Variants in USP7 observed in about 807,000 individuals in gnomAD.
USP7 encodes ubiquitin C-terminal hydrolase 7.
In USP7, 9 loss-of-function variants were observed where a neutral mutation model predicts 162.9. That is an observed-to-expected ratio of 0.06 (90% confidence interval 0.03 to 0.10). The LOEUF (loss-of-function observed/expected upper bound fraction) is 0.10. Ranked by LOEUF, USP7 falls within the 10% of genes least tolerant of loss-of-function variation. USP7 has a pLI of 1.00. For missense variants in USP7, 715 were observed against 1,373.7 expected, an observed-to-expected ratio of 0.52 and a Z score of 7.58; for synonymous variants, 562 against 475.9, an observed-to-expected ratio of 1.18 and a Z score of -2.35.
At position 8,892,913 on chromosome 16, in the gene USP7, T is replaced by G. The variant is rs1038333093; in HGVS notation, c.*1085A>C. 3.3e-5 allele frequency: 5 copies of G among 152,194 alleles called. No individual in the cohort carries two copies. The highest frequency in any genetic ancestry group is 1.2e-4 in the African/African-American group (5 of 41,438). 9.4% of individuals were successfully genotyped at this position (152,194 alleles called of 1,614,324 possible). On this transcript the variant is annotated 3_prime_UTR_variant, in exon 31 of 31. Coordinates refer to ENST00000344836, the MANE Select transcript of USP7 (RefSeq NM_003470.3). The stretch of plus-strand genomic sequence containing the variant: ...AGGATGAAAAATAAGAGTGATTTGC[T>G]GATTCTATTTTACTGCACTCAAAAC...
chr16:8,943,055 G>C (rs903414374), intron 1 of USP7, among the ~76,000 whole-genome samples: 1 of 152,114 alleles, frequency 6.6e-6, no homozygotes, highest in Non-Finnish European at 1.5e-5. Flanking sequence ...CCACTTTGAC[G>C]CTTTGCTCTA....
intron 2 of USP7, among the ~76,000 whole-genome samples, chr16:8,927,814 C>T (rs1318574827): frequency 2.0e-5 from 3 of 152,112 alleles, no homozygotes; most frequent in Non-Finnish European, 2.9e-5. Context: ...CTAGCCTGGG[C>T]GACACAACAA....
In USP7 at chr16:8,921,137, C is replaced by A. The variant is rs1363918879; in HGVS notation, c.522+20G>T. ...AGCAGTAATGCACCAATTGTTCAGA[C>A]TAAATACACTGTTACTTACACTCCA... On this transcript the variant is annotated intron_variant, in intron 4 of 30. Transcript: ENST00000344836. 1 of 1,612,516 alleles carries A rather than the reference C, an allele frequency of 6.2e-7. No homozygotes were observed. The highest frequency in any genetic ancestry group is 1.1e-5 in the South Asian group (1 of 91,036).
intron 11 of USP7, among the ~76,000 whole-genome samples, chr16:8,909,197 G>A (rs1476336750): frequency 2.0e-5 from 3 of 152,156 alleles, no homozygotes; most frequent in Non-Finnish European, 2.9e-5. Context: ...AGTAAAATCA[G>A]GCTTTGCCTA....
At chr16:8,899,070 T>A in intron 23 of USP7, 51 bp downstream of exon 23, 3 of 1,565,046 alleles carry the variant, frequency 1.9e-6, no homozygotes, top group Non-Finnish European at 2.6e-6. Context: ...TTCAATGAAC[T>A]GTGGAAAGCA....
intron 3 of USP7, among the ~76,000 whole-genome samples, chr16:8,921,712 G>C (rs1897698671): frequency 6.6e-6 from 1 of 152,194 alleles, no homozygotes; most frequent in South Asian, 2.1e-4. Flanking sequence ...GCACCGGGGA[G>C]CTCTGTGGCC....
chr16:8,941,713 C>G (rs1899053707), intron 1 of USP7, among the ~76,000 whole-genome samples: 1 of 152,122 alleles, frequency 6.6e-6, no homozygotes, highest in African/African-American at 2.4e-5. Context: ...CGGGCAGAGC[C>G]AGGATCAGCT....
intron 1 of USP7, among the ~76,000 whole-genome samples, chr16:8,935,019 T>C (rs1216795603): frequency 6.6e-6 from 1 of 152,234 alleles, no homozygotes; most frequent in African/African-American, 2.4e-5. Context: ...ACTAGACTTC[T>C]AGAAATAGCC....
At chr16:8,904,586 C>G (rs780441128) in intron 14 of USP7, 21 bp from the exon 15 acceptor site, 1 of 1,612,496 alleles carries the variant, frequency 6.2e-7, no homozygotes, top group East Asian at 2.2e-5. Flanking sequence ...AAGGCATCCT[C>G]TTTGACCCCT....
At chr16:8,938,540 G>A (rs1014769148) in intron 1 of USP7, among the ~76,000 whole-genome samples, 3 of 151,804 alleles carry the variant, frequency 2.0e-5, no homozygotes, top group Non-Finnish European at 4.4e-5. Context: ...GTGAAACGCC[G>A]TCTCTACTGA....
At chr16:8,936,468 C>T in intron 1 of USP7, 1 of 1,078,498 alleles carries the variant, frequency 9.3e-7, no homozygotes, top group Non-Finnish European at 1.2e-6. Context: ...TTTACTGATA[C>T]AATGTCTAGA....
At chr16:8,912,574 CA>C (rs2061964616) in intron 10 of USP7, among the ~76,000 whole-genome samples, 1 of 151,254 alleles carries the variant, frequency 6.6e-6, no homozygotes, top group East Asian at 1.9e-4. Context: ...TCACAGATGA[CA>C]GAATTAGTAG....
intron 1 of USP7, among the ~76,000 whole-genome samples, chr16:8,957,534 A>G (rs1010025122): frequency 6.6e-6 from 1 of 151,884 alleles, no homozygotes; most frequent in African/African-American, 2.4e-5. Flanking sequence ...GCTTGAGACC[A>G]GGAATTCCAC....
rs887172330 is a variant in USP7 at position 8,963,229 on chromosome 16, C to A, written c.57G>T (p.Glu19Asp). The change falls in exon 1 of 31, where the codon GAG becomes GAT. Residue 19 changes from glutamate (E) to aspartate (D), a missense_variant. By Grantham distance (45) the Glu-to-Asp change is conservative. Coordinates refer to ENST00000344836, the MANE Select transcript of USP7 (RefSeq NM_003470.3). ...CACCTTCCATCTCCATGTCCTCGGG[C>A]TCGCTCAACTGCTGCTCGCCCGCTT... ...QQKAGEQQLS[E>D]PEDMEMEAGD... 3.2e-5 allele frequency: 45 copies of A among 1,408,584 alleles called. No individual in the cohort carries two copies. The highest frequency in any genetic ancestry group is 4.1e-5 in the Non-Finnish European group (44 of 1,071,714). The allele number at this position is 1,408,584 out of a possible 1,614,324, so 87.3% of individuals were successfully genotyped here.
intron 10 of USP7, among the ~76,000 whole-genome samples, chr16:8,914,204 C>G (rs757541461): frequency 2.6e-5 from 4 of 152,066 alleles, no homozygotes; most frequent in African/African-American, 9.7e-5. Flanking sequence ...CCTCACTGAT[C>G]TTCAAGGAAA....
At chr16:8,900,744 T>TA (rs749568892) in intron 20 of USP7, 114 bp from the exon 21 acceptor site, 37 of 785,168 alleles carry the variant, frequency 4.7e-5, no homozygotes, top group Non-Finnish European at 7.0e-5. Flanking sequence ...ATCCACCTTT[T>TA]AAGTTAAAAT....
intron 4 of USP7, among the ~76,000 whole-genome samples, chr16:8,920,930 C>G (rs903841388): frequency 6.6e-6 from 1 of 152,216 alleles, no homozygotes; most frequent in Non-Finnish European, 1.5e-5. Flanking sequence ...ATTTAGCCCA[C>G]TGGGAACTCC....
At chr16:8,900,273 T>A (rs1006191615) in intron 21 of USP7, 2 of 389,464 alleles carry the variant, frequency 5.1e-6, no homozygotes, top group African/African-American at 4.2e-5. Context: ...GAAGCAATTG[T>A]TCCCACTCTA....
intron 1 of USP7, among the ~76,000 whole-genome samples, chr16:8,949,224 A>C (rs1899438972): frequency 6.6e-6 from 1 of 152,252 alleles, no homozygotes; most frequent in Non-Finnish European, 1.5e-5. Flanking sequence ...AAAAGCACAG[A>C]TGCAAATCTA....
Sources: allele counts gnomAD v4.1 joint callset (sites outside exome capture counted in the v4.1 genomes callset), GRCh38; gene constraint gnomAD v4.1.1; transcripts MANE v1.5; gene names NCBI Gene and HGNC (gene_info 2026-07-23, HGNC 2026-07-21).